The following DPYD variants were observed in gnomAD, a reference collection of about 807,000 sequenced individuals.
The protein encoded by DPYD is dihydropyrimidine dehydrogenase.
Under a neutral mutation model 116.2 loss-of-function variants are expected in DPYD, and 109 were observed. The observed-to-expected ratio is 0.94, with a 90% CI of 0.80 to 1.10. DPYD has a LOEUF of 1.10. Among genes scored for constraint, DPYD ranks in the 50% least tolerant of loss-of-function variants. The pLI is 0.00. For synonymous variants in DPYD, 440 were observed against 432.0 expected (o/e 1.02, Z -0.23); for missense variants, 1,302 against 1,254.5 (o/e 1.04, Z -0.57).
At chr1:97,212,164 T>C (rs1235450936) in intron 19 of DPYD, among the ~76,000 whole-genome samples, 2 of 152,146 alleles carry the variant, frequency 1.3e-5, no homozygotes, top group East Asian at 3.8e-4. Flanking sequence ...CACCACAACC[T>C]GGTTTTACGA....
intron 16 of DPYD, among the ~76,000 whole-genome samples, chr1:97,327,602 C>T (rs888904285): frequency 2.0e-5 from 3 of 151,798 alleles, no homozygotes; most frequent in Non-Finnish European, 2.9e-5. Flanking sequence ...ATACACTGTA[C>T]TCAAAATTTA....
chr1:97,616,096 G>A (rs1001422692), intron 8 of DPYD, among the ~76,000 whole-genome samples: 13 of 151,752 alleles, frequency 8.6e-5, no homozygotes, highest in African/African-American at 3.1e-4. Context: ...TTACACCCAG[G>A]GTTTGAGTCT....
At chr1:97,832,036 T>C (rs1163053464) in intron 2 of DPYD, among the ~76,000 whole-genome samples, 1 of 140,276 alleles carries the variant, frequency 7.1e-6, no homozygotes, top group Non-Finnish European at 1.6e-5. Context: ...AGCTTTAATA[T>C]ATAATGTATT....
intron 1 of DPYD, among the ~76,000 whole-genome samples, chr1:97,901,886 T>C (rs1167723318): frequency 1.3e-5 from 2 of 151,836 alleles, no homozygotes; most frequent in East Asian, 1.9e-4. Context: ...CATTCAGAAA[T>C]GTCAGGTAAT....
chr1:97,585,952 T>C (rs1343336837), intron 10 of DPYD: 1 of 80,368 alleles, frequency 1.2e-5, no homozygotes, highest in East Asian at 2.3e-4. Context: ...AGAACAATTA[T>C]GTCTTCCCTC....
At chr1:97,297,734 T>C (rs1015954135) in intron 18 of DPYD, among the ~76,000 whole-genome samples, 1 of 152,178 alleles carries the variant, frequency 6.6e-6, no homozygotes, top group South Asian at 2.1e-4. Context: ...CTAGGTAAAT[T>C]TGCATGTAAG....
intron 18 of DPYD, among the ~76,000 whole-genome samples, chr1:97,254,378 G>A (rs12735722): frequency 0.11 from 16,874 of 152,030 alleles, 1,385 homozygotes; most frequent in East Asian, 0.31. Flanking sequence ...TCTAGTAAAA[G>A]CTGTTCTAGT....
At chr1:97,895,319 T>A (rs774816685) in intron 1 of DPYD, among the ~76,000 whole-genome samples, 1 of 151,770 alleles carries the variant, frequency 6.6e-6, no homozygotes, top group Non-Finnish European at 1.5e-5. Flanking sequence ...TATACCAGCA[T>A]GCTAAAATTA....
chr1:97,498,706 G>A (rs901094829), intron 13 of DPYD, among the ~76,000 whole-genome samples: 4 of 151,496 alleles, frequency 2.6e-5, no homozygotes, highest in African/African-American at 7.3e-5. Flanking sequence ...ATACAAAGTG[G>A]TGTCATGACT....
At chr1:97,795,571 C>T (rs561400235) in intron 3 of DPYD, among the ~76,000 whole-genome samples, 5 of 151,988 alleles carry the variant, frequency 3.3e-5, no homozygotes, top group African/African-American at 4.8e-5. Flanking sequence ...CCTACATAAA[C>T]TCATTTCTAT....
intron 10 of DPYD, among the ~76,000 whole-genome samples, chr1:97,581,421 T>C (rs1036060871): frequency 3.3e-5 from 5 of 150,486 alleles, no homozygotes; most frequent in African/African-American, 1.2e-4. Flanking sequence ...TAAATGGGCA[T>C]TTCACCTAGC....
At chr1:97,811,749 T>C (rs1469474060) in intron 3 of DPYD, among the ~76,000 whole-genome samples, 2 of 152,120 alleles carry the variant, frequency 1.3e-5, no homozygotes, top group African/African-American at 4.8e-5. Context: ...TATTATAATC[T>C]CCAAATTGTA....
intron 2 of DPYD, among the ~76,000 whole-genome samples, chr1:97,833,058 T>A (rs1299464034): frequency 1.3e-5 from 2 of 151,318 alleles, no homozygotes; most frequent in African/African-American, 4.8e-5. Context: ...TCACTGATAA[T>A]TCCACAGGAC....
intron 16 of DPYD, among the ~76,000 whole-genome samples, chr1:97,348,313 G>A (rs1669963099): frequency 6.6e-6 from 1 of 152,124 alleles, no homozygotes; most frequent in South Asian, 2.1e-4. Flanking sequence ...GGGATTGAAT[G>A]CTGTCGAATC....
intron 1 of DPYD, among the ~76,000 whole-genome samples, chr1:97,900,373 T>G (rs576470099): frequency 1.3e-5 from 2 of 151,902 alleles, no homozygotes; most frequent in Non-Finnish European, 1.5e-5. Flanking sequence ...GTTTTTACAG[T>G]GCCCAAGGTG....
intron 20 of DPYD, among the ~76,000 whole-genome samples, chr1:97,138,432 A>G (rs1275604411): frequency 2.0e-5 from 3 of 152,134 alleles, no homozygotes; most frequent in Admixed American, 6.6e-5. Flanking sequence ...GTTGTGCTAC[A>G]CTGTGGTAGT....
At chr1:97,422,149 A>C (rs1188570838) in intron 14 of DPYD, among the ~76,000 whole-genome samples, 1 of 152,130 alleles carries the variant, frequency 6.6e-6, no homozygotes, top group African/African-American at 2.4e-5. Context: ...AGTTATCAGC[A>C]TTGGTTTTGG....
intron 14 of DPYD, among the ~76,000 whole-genome samples, chr1:97,383,612 T>A (rs1375164640): frequency 6.6e-6 from 1 of 152,210 alleles, no homozygotes; most frequent in East Asian, 1.9e-4. Flanking sequence ...TCATTCCCAA[T>A]GTTATTCTCC....
chr1:97,205,361 T>C (rs1300205775), intron 19 of DPYD, among the ~76,000 whole-genome samples: 1 of 152,014 alleles, frequency 6.6e-6, no homozygotes, highest in Non-Finnish European at 1.5e-5. Context: ...CTGATCTTTT[T>C]TACTGTCTCC....
Sources: gnomAD v4.1 joint callset for allele counts (sites outside exome capture counted in the v4.1 genomes callset) on GRCh38, gnomAD v4.1.1 for gene constraint, MANE v1.5 for transcripts, NCBI Gene and HGNC (gene_info 2026-07-23, HGNC 2026-07-21) for gene names.